The following NDST1 variants were observed in gnomAD, a reference collection of about 807,000 sequenced individuals.
NDST1 encodes N-deacetylase and N-sulfotransferase 1.
Under a neutral mutation model 92.8 loss-of-function variants are expected in NDST1, and 35 were observed. The observed-to-expected ratio is 0.38, with a 90% CI of 0.29 to 0.50. The LOEUF is 0.50. Ranked by LOEUF, NDST1 falls within the 20% of genes least tolerant of loss-of-function variation. The pLI, the probability that NDST1 is intolerant of heterozygous loss-of-function variation, is 0.94. For missense variants in NDST1, 822 were observed against 1,182.7 expected, an observed-to-expected ratio of 0.69 and a Z score of 4.47; for synonymous variants, 493 against 500.3, an observed-to-expected ratio of 0.99 and a Z score of 0.19.
chr5:150,552,317 T>G (rs534754616), intron 14 of NDST1, among the ~76,000 whole-genome samples: 2 of 152,124 alleles, frequency 1.3e-5, no homozygotes, highest in East Asian at 3.9e-4. Context: ...CCTAGAAGGA[T>G]GAGATCCATT....
chr5:150,505,336 G>A (rs1232395853), upstream of NDST1, among the ~76,000 whole-genome samples: 1 of 152,202 alleles, frequency 6.6e-6, no homozygotes, highest in African/African-American at 2.4e-5. Context: ...AAGAGCTGAT[G>A]GCATTTCCCC....
intron 4 of NDST1, among the ~76,000 whole-genome samples, chr5:150,534,404 G>T (rs976802196): frequency 5.9e-5 from 9 of 152,256 alleles, no homozygotes; most frequent in African/African-American, 2.2e-4. Context: ...GCACCTGGTT[G>T]TTTTTTATAT....
chr5:150,537,991 G>T (rs1755071517), intron 6 of NDST1, among the ~76,000 whole-genome samples: 2 of 152,224 alleles, frequency 1.3e-5, no homozygotes, highest in African/African-American at 4.8e-5. Context: ...GGTGATGAGT[G>T]CCACGGACAA....
At chr5:150,543,848 C>T (rs529261002) in intron 10 of NDST1, among the ~76,000 whole-genome samples, 49 of 151,824 alleles carry the variant, frequency 3.2e-4, no homozygotes, top group African/African-American at 1.2e-3. Context: ...GGCGCGATCT[C>T]GGCTTACTGC....
chr5:150,536,609 A>T (rs1190473961), intron 6 of NDST1, among the ~76,000 whole-genome samples: 1 of 150,972 alleles, frequency 6.6e-6, no homozygotes, highest in Non-Finnish European at 1.5e-5. Context: ...ACTCTTATCT[A>T]GGCTGGAGTG....
At chr5:150,548,088 C>G in intron 11 of NDST1, 130 bp from the exon 12 acceptor site, 1 of 1,034,888 alleles carries the variant, frequency 9.7e-7, no homozygotes, top group Non-Finnish European at 1.5e-6. Context: ...AGAGGCAGAG[C>G]CAGGACTCAG....
intron 4 of NDST1, among the ~76,000 whole-genome samples, chr5:150,533,790 T>C (rs944016667): frequency 1.3e-5 from 2 of 152,162 alleles, no homozygotes; most frequent in Non-Finnish European, 2.9e-5. Context: ...TAAAATTTTT[T>C]ATATATTTTT....
rs138044854 is a variant in NDST1, at chr5:150,545,420, C to T, written c.2079C>T (p.Leu693=). 2.4e-5 allele frequency: 39 copies of T among 1,614,130 alleles called. No individual in the cohort carries two copies. The African/African-American group carries it at 2.5e-4, about 10-fold the overall frequency. ...TGGCGCCCCGGCGGGCAGCAGCCCTCTTGCCCAAAGCCAAGGTCCTGACCA... is the reference window on the plus strand; with the variant it reads ...TGGCGCCCCGGCGGGCAGCAGCCCTTTTGCCCAAAGCCAAGGTCCTGACCA... ...SEVAPRRAAA[L]LPKAKVLTIL... is the part of the protein sequence containing the mutation. Residue 693 remains leucine, a synonymous_variant, in exon 11 of 15, where the codon CTC becomes CTT. Transcript: ENST00000261797.
intron 1 of NDST1, among the ~76,000 whole-genome samples, chr5:150,511,712 C>G (rs994130872): frequency 1.7e-4 from 26 of 152,026 alleles, no homozygotes; most frequent in African/African-American, 6.0e-4. Flanking sequence ...CAGCTTGGCT[C>G]CTGGCCAGGC....
At chr5:150,528,492 A>T (rs1754571920) in intron 3 of NDST1, among the ~76,000 whole-genome samples, 194 bp downstream of exon 3, 1 of 152,186 alleles carries the variant, frequency 6.6e-6, no homozygotes, top group African/African-American at 2.4e-5. Context: ...TATCATTTAA[A>T]ACTTGATTGA....
Position 150,535,709 on chromosome 5 carries a change from A to T in NDST1, c.1261A>T (p.Ile421Phe). Residue 421 changes from isoleucine (I) to phenylalanine (F), a missense_variant, in exon 6 of 15, where the codon ATT (isoleucine) becomes TTT (phenylalanine). Coordinates refer to ENST00000261797, the MANE Select transcript of NDST1 (RefSeq NM_001543.5). The stretch of plus-strand genomic sequence containing the variant: ...GTCATCCTCTCCCTAGGAGCATGGC[A>T]TTCCCACAGACATGGGGTATGCAGT... ...LNKKFAVEHG[I>F]PTDMGYAVAP... is the part of the protein sequence containing the mutation. 6.2e-7 allele frequency: 1 copy of T among 1,614,188 alleles called. No individual in the cohort carries two copies. Among genetic ancestry groups the T allele is most frequent in the Non-Finnish European group, 8.5e-7 (1 of 1,180,020 alleles).
At chr5:150,542,229 A>G (rs1026461265) in intron 9 of NDST1, among the ~76,000 whole-genome samples, 3 of 152,144 alleles carry the variant, frequency 2.0e-5, no homozygotes, top group African/African-American at 7.2e-5. Context: ...TATACTCTTA[A>G]TTGCCAAACT....
intron 4 of NDST1, 123 bp from the exon 5 acceptor site, chr5:150,534,744 A>G (rs763443185): frequency 5.9e-5 from 69 of 1,174,252 alleles, no homozygotes; most frequent in Non-Finnish European, 8.4e-5. Context: ...GCTGTAGCCC[A>G]GATAACTCTT....
intron 13 of NDST1, 28 bp from the exon 14 acceptor site, chr5:150,551,725 C>T: frequency 1.9e-6 from 3 of 1,610,126 alleles, no homozygotes; most frequent in East Asian, 2.2e-5. Flanking sequence ...GAGCCAGCTC[C>T]CATCCAAAGA....
In NDST1 at chr5:150,539,317, C is replaced by T. The variant is rs773841704; in HGVS notation, c.1527C>T (p.Ile509=). The T allele has an allele frequency of 2.5e-6, 4 of 1,614,190 alleles. No individual in the cohort carries two copies. The Admixed American group carries it at 6.7e-5, about 27-fold the overall frequency. ...PGGSSELDKI[I]NGGELFLTVL... is the part of the protein sequence containing the mutation. The stretch of plus-strand genomic sequence containing the variant: ...GCTCCAGTGAGCTGGACAAGATCAT[C>T]AACGGGGGCGAGCTCTTCCTCACCG... Residue 509 remains isoleucine (I), a synonymous_variant, in exon 7 of 15, where the codon ATC becomes ATT. Transcript: ENST00000261797.
rs774589898 is a variant in NDST1, at chr5:150,534,822, C to T, written c.1097-45C>T. On this transcript the variant is annotated intron_variant, in intron 4 of 14. Coordinates refer to ENST00000261797, the MANE Select transcript of NDST1 (RefSeq NM_001543.5). ...CCAGGCACAGGCCCAGGTTAGAGGG[C>T]CTCATGGCCCAGTGGGTGGTTCTGA... is the stretch of plus-strand genomic sequence containing the variant. 1.1e-5 allele frequency: 17 copies of T among 1,613,420 alleles called. 1 individual carries two copies. The Middle Eastern group carries it at 2.2e-3, about 204-fold the overall frequency.
chr5:150,535,097 C>T, intron 5 of NDST1, 76 bp downstream of exon 5: 1 of 1,549,764 alleles, frequency 6.5e-7, no homozygotes, highest in Non-Finnish European at 8.8e-7. Flanking sequence ...TGGCCTCTTG[C>T]TGCTTTTGCA....
At chr5:150,542,646 C>T (rs3095905) in intron 9 of NDST1, among the ~76,000 whole-genome samples, 27,135 of 152,156 alleles carry the variant, frequency 0.18, 2,604 homozygotes, top group South Asian at 0.23. Context: ...ACAGGAGTTG[C>T]GGTGTTCACA....
At chr5:150,548,017 T>G (rs1239689023) in intron 11 of NDST1, among the ~76,000 whole-genome samples, 2 of 152,136 alleles carry the variant, frequency 1.3e-5, no homozygotes, top group African/African-American at 4.8e-5. Flanking sequence ...GTTCCCGTAT[T>G]TCAAAGATGG....
Sources: gnomAD v4.1 joint callset for allele counts (sites outside exome capture counted in the v4.1 genomes callset) on GRCh38, gnomAD v4.1.1 for gene constraint, MANE v1.5 for transcripts, NCBI Gene and HGNC (gene_info 2026-07-23, HGNC 2026-07-21) for gene names.